PTPN3: variants seen among roughly 807,000 people sequenced by gnomAD.
PTPN3 encodes protein tyrosine phosphatase non-receptor type 3.
PTPN3 carries 96 observed loss-of-function variants against 132.7 expected under a neutral mutation model. That is an observed-to-expected ratio of 0.72 (90% CI 0.61 to 0.86). The LOEUF (loss-of-function observed/expected upper bound fraction) is 0.86, where lower values mean the gene tolerates loss of function less well. Ranked by LOEUF, PTPN3 falls within the 40% of genes least tolerant of loss-of-function variation. The pLI is 0.00. For synonymous variants in PTPN3, 398 were observed against 429.0 expected, an observed-to-expected ratio of 0.93 and a Z score of 0.89; for missense variants, 1,125 against 1,159.6, an observed-to-expected ratio of 0.97 and a Z score of 0.43.
At chr9:109,448,961 A>T in intron 5 of PTPN3, 106 bp from the exon 6 acceptor site, 9 of 1,503,726 alleles carry the variant, frequency 6.0e-6, no homozygotes, top group Non-Finnish European at 7.9e-6. Flanking sequence ...CATGTGAAAG[A>T]TACATAAAAA....
intron 22 of PTPN3, among the ~76,000 whole-genome samples, chr9:109,388,238 A>G (rs1839764802): frequency 6.6e-6 from 1 of 152,194 alleles, no homozygotes; most frequent in Non-Finnish European, 1.5e-5. Context: ...CTTCAGGATA[A>G]AGGGCTGAGG....
chr9:109,441,974 C>T (rs1177157189), intron 7 of PTPN3, among the ~76,000 whole-genome samples: 1 of 152,132 alleles, frequency 6.6e-6, no homozygotes, highest in Non-Finnish European at 1.5e-5. Flanking sequence ...ATATCAGATG[C>T]CCCTCTTGGA....
intron 7 of PTPN3, among the ~76,000 whole-genome samples, chr9:109,443,121 G>A (rs1844612941): frequency 6.7e-6 from 1 of 150,178 alleles, no homozygotes; most frequent in Admixed American, 6.7e-5. Flanking sequence ...TGTCACAAAG[G>A]CTGGAGTGCA....
intron 24 of PTPN3, 24 bp from the exon 25 acceptor site, chr9:109,381,811 C>G (rs1839119760): frequency 6.2e-7 from 1 of 1,613,906 alleles, no homozygotes; most frequent in Admixed American, 1.7e-5. Flanking sequence ...AGAAGACAGA[C>G]TTGGGATTTG....
In PTPN3 at chr9:109,483,789, C is replaced by T. The variant is rs146152935; in HGVS notation, c.-18+14430G>A. On this transcript the variant is annotated intron_variant, in intron 1 of 25. Transcript: ENST00000374541. ...GCCCCTTTGAGGTGTCTCCAAGCAG[C>T]CAGGCAGAAAGCTGGGTATACGTTA... is the stretch of plus-strand genomic sequence containing the variant. Among the ~76,000 whole-genome samples, 302 of 152,250 alleles carry T rather than the reference C, an allele frequency of 2.0e-3. 1 individual carries two copies. The highest frequency in any genetic ancestry group is 6.8e-3 in the African/African-American group (282 of 41,540).
intron 8 of PTPN3, among the ~76,000 whole-genome samples, chr9:109,437,384 G>T (rs1392209054): frequency 1.3e-5 from 2 of 152,160 alleles, no homozygotes; most frequent in Non-Finnish European, 2.9e-5. Context: ...ATTGACTTCT[G>T]CCCTGGGAGT....
intron 5 of PTPN3, chr9:109,449,610 G>C (rs72746990): frequency 0.044 from 43,737 of 985,408 alleles, 1,033 homozygotes; most frequent in Non-Finnish European, 0.049. Context: ...GTCAGGAAGC[G>C]CCCTGGGGAG....
chr9:109,437,580 A>T (rs971988657), intron 8 of PTPN3, among the ~76,000 whole-genome samples: 1 of 152,234 alleles, frequency 6.6e-6, no homozygotes, highest in African/African-American at 2.4e-5. Flanking sequence ...AGGAAGGGGA[A>T]GAGCAGCCAG....
chr9:109,494,992 A>C (rs949638540), intron 1 of PTPN3, among the ~76,000 whole-genome samples: 2 of 151,986 alleles, frequency 1.3e-5, no homozygotes, highest in Non-Finnish European at 2.9e-5. Context: ...CCCATTACCA[A>C]ATCAGTTTTC....
rs1328313559 is a variant in PTPN3 at position 109,468,480 on chromosome 9, C to T, written c.-17-5029G>A. On this transcript the variant is annotated intron_variant, in intron 1 of 25. Transcript: ENST00000374541. ...CTCCCGGGTTCACGCCATTCTCCTGCCTCAGCCTCCTGAGCAGGTGGGACT... is the reference window on the plus strand; with the variant it reads ...CTCCCGGGTTCACGCCATTCTCCTGTCTCAGCCTCCTGAGCAGGTGGGACT... Among the ~76,000 whole-genome samples the T allele has an allele frequency of 7.2e-5, 11 of 152,250 alleles. No individual in the cohort carries two copies. In the South Asian group the frequency reaches 2.1e-3, roughly 29 times the overall value.
At chr9:109,499,638 G>A (rs993505393), upstream of PTPN3, among the ~76,000 whole-genome samples, 1 of 152,228 alleles carries the variant, frequency 6.6e-6, no homozygotes, top group Admixed American at 6.5e-5. Flanking sequence ...TGCAGAGATG[G>A]TTGGAACCCT....
At chr9:109,443,722 G>A (rs1480453889) in intron 7 of PTPN3, among the ~76,000 whole-genome samples, 2 of 152,158 alleles carry the variant, frequency 1.3e-5, no homozygotes, top group African/African-American at 4.8e-5. Flanking sequence ...ATATGGATGT[G>A]AAATGGCCGG....
At chr9:109,448,952 A>G in intron 5 of PTPN3, 97 bp from the exon 6 acceptor site, 5 of 1,524,972 alleles carry the variant, frequency 3.3e-6, no homozygotes, top group Non-Finnish European at 4.4e-6. Flanking sequence ...AGAGCTGTAC[A>G]TGTGAAAGAT....
At chr9:109,527,241 A>T in the PTPN3 span, among the ~76,000 whole-genome samples, 1 of 152,206 alleles carries the variant, frequency 6.6e-6, no homozygotes, top group Non-Finnish European at 1.5e-5. Flanking sequence ...TGGGCGGATA[A>T]TTTGAGGCCA....
At chr9:109,416,284 C>G (rs1699609312) in intron 14 of PTPN3, among the ~76,000 whole-genome samples, 1 of 152,116 alleles carries the variant, frequency 6.6e-6, no homozygotes, top group South Asian at 2.1e-4. Context: ...CAGTGGGCAC[C>G]TGGGCTGTCT....
At position 109,377,158 on chromosome 9, in the gene PTPN3, G is replaced by C. The variant is rs1021069721; in HGVS notation, c.*2398C>G. The C allele has an allele frequency of 6.6e-6, 1 of 152,132 alleles. No homozygotes were observed. The highest frequency in any genetic ancestry group is 1.5e-5 in the Non-Finnish European group (1 of 68,032). The allele number at this position is 152,132 out of a possible 1,614,324, so 9.4% of individuals were successfully genotyped here. A position where few individuals can be genotyped will look rare whatever the true frequency, so the allele number is the denominator to read the frequency against. ...TAATGGCATTTAAATTTTTGCCAGC[G>C]TTCCCTCCATCCCCCTTTCTTGGAG... is the stretch of plus-strand genomic sequence containing the variant. On this transcript the variant is annotated 3_prime_UTR_variant, in exon 26 of 26. Coordinates refer to ENST00000374541, the MANE Select transcript of PTPN3 (RefSeq NM_002829.4).
chr9:109,523,403 T>C, the PTPN3 span, among the ~76,000 whole-genome samples: 1 of 152,206 alleles, frequency 6.6e-6, no homozygotes, highest in Non-Finnish European at 1.5e-5. Flanking sequence ...CATGAGCCAC[T>C]GTGCCCAGCC....
chr9:109,522,565 C>T, the PTPN3 span, among the ~76,000 whole-genome samples: 1 of 152,218 alleles, frequency 6.6e-6, no homozygotes, highest in African/African-American at 2.4e-5. Context: ...ATTCCACCCA[C>T]ACTGCTCAAG....
intron 2 of PTPN3, among the ~76,000 whole-genome samples, chr9:109,461,558 C>G (rs1845844365): frequency 6.6e-6 from 1 of 152,052 alleles, no homozygotes. Context: ...GAATTTGAGA[C>G]CAGCCTGGAC....
Sources: gnomAD v4.1 joint callset for allele counts (sites outside exome capture counted in the v4.1 genomes callset) on GRCh38, gnomAD v4.1.1 for gene constraint, MANE v1.5 for transcripts, NCBI Gene and HGNC (gene_info 2026-07-23, HGNC 2026-07-21) for gene names.